The following L3MBTL3 variants were observed in gnomAD, a reference collection of about 807,000 sequenced individuals.
L3MBTL3 encodes the protein lethal(3)malignant brain tumor-like protein 3.
L3MBTL3 carries 27 observed loss-of-function variants against 102.3 expected under a neutral mutation model. The ratio of observed to expected loss-of-function variants is 0.26; its 90% CI spans 0.19 to 0.36. The LOEUF (loss-of-function observed/expected upper bound fraction) is 0.36, where lower values mean the gene tolerates loss of function less well. Ranked by LOEUF, L3MBTL3 falls within the 10% of genes least tolerant of loss-of-function variation. L3MBTL3 has a pLI of 1.00. For missense variants in L3MBTL3, 798 were observed against 955.3 expected, an observed-to-expected ratio of 0.84 and a Z score of 2.17; for synonymous variants, 340 against 320.9, an observed-to-expected ratio of 1.06 and a Z score of -0.64.
chr6:130,128,201 G>T (rs7755103), intron 20 of L3MBTL3, among the ~76,000 whole-genome samples: 16,625 of 151,678 alleles, frequency 0.11, 1,488 homozygotes, highest in African/African-American at 0.24. Flanking sequence ...GGGTTAGGGG[G>T]GTGTGTGTGT....
At chr6:130,128,128 G>A (rs548392233) in intron 20 of L3MBTL3, among the ~76,000 whole-genome samples, 1 of 151,958 alleles carries the variant, frequency 6.6e-6, no homozygotes, top group Non-Finnish European at 1.5e-5. Flanking sequence ...GGGTTATCTA[G>A]GCTAGTTATT....
At chr6:130,101,486 T>C (rs1490716873) in intron 18 of L3MBTL3, among the ~76,000 whole-genome samples, 1 of 152,142 alleles carries the variant, frequency 6.6e-6, no homozygotes, top group Admixed American at 6.5e-5. Flanking sequence ...GCAGTTTCAT[T>C]GTGGGCAGGA....
rs565642106 is a variant in L3MBTL3 at position 130,090,080 on chromosome 6, G to A, written c.1519-2665G>A. ...GATCACATACTTTGCTTTTCTTGGG[G>A]TATTCTCTTATCTTGCTGACACACG... On this transcript the variant is annotated intron_variant, in intron 16 of 22. Coordinates refer to ENST00000361794, the MANE Select transcript of L3MBTL3 (RefSeq NM_032438.4). Among the ~76,000 whole-genome samples, 36 of 152,012 alleles carry A rather than the reference G, an allele frequency of 2.4e-4. No homozygotes were observed. In the South Asian group the frequency reaches 7.5e-3, roughly 32 times the overall value.
intron 20 of L3MBTL3, among the ~76,000 whole-genome samples, chr6:130,128,685 G>A (rs7759637): frequency 0.021 from 3,231 of 152,198 alleles, 111 homozygotes; most frequent in African/African-American, 0.073. Flanking sequence ...GTTAGCGTTC[G>A]TGCTTCATTA....
intron 19 of L3MBTL3, among the ~76,000 whole-genome samples, chr6:130,119,514 T>C (rs1316970630): frequency 6.6e-6 from 1 of 152,176 alleles, no homozygotes; most frequent in East Asian, 1.9e-4. Context: ...ATGTTCTTTC[T>C]CCAGTTATCA....
intron 2 of L3MBTL3, among the ~76,000 whole-genome samples, chr6:130,026,048 G>A (rs1427291024): frequency 2.0e-5 from 3 of 152,142 alleles, no homozygotes. Flanking sequence ...GGCATCTCTG[G>A]ATGTGGTGGT....
At chr6:130,115,271 T>G (rs6937184) in intron 19 of L3MBTL3, among the ~76,000 whole-genome samples, 6,313 of 152,164 alleles carry the variant, frequency 0.041, 424 homozygotes, top group African/African-American at 0.14. Flanking sequence ...CTTTCACACT[T>G]GAGCTGCCGC....
At position 130,105,548 on chromosome 6, in the gene L3MBTL3, G is replaced by A. The variant is rs1489108751; in HGVS notation, c.1886+973G>A. 3.3e-5 allele frequency among the ~76,000 whole-genome samples: 5 copies of A among 150,176 alleles called. No homozygotes were observed. In the East Asian group the frequency reaches 9.8e-4, roughly 30 times the overall value. On this transcript the variant is annotated intron_variant, in intron 19 of 22. Coordinates refer to ENST00000361794, the MANE Select transcript of L3MBTL3 (RefSeq NM_032438.4). ...AATTTACCAGGATCATTTGAGCCTG[G>A]GAGGTCGAGGCTGCAGTGAGCCAGG...
At chr6:130,020,154 CGT>C (rs938639257) in intron 1 of L3MBTL3, among the ~76,000 whole-genome samples, 1 of 150,878 alleles carries the variant, frequency 6.6e-6, no homozygotes, top group East Asian at 2.0e-4. Flanking sequence ...CCTCGCGCCG[CGT>C]GTGTGTGCGG....
intron 2 of L3MBTL3, among the ~76,000 whole-genome samples, chr6:130,041,432 G>A (rs11154519): frequency 0.47 from 72,143 of 152,020 alleles, 19,626 homozygotes; most frequent in East Asian, 0.76. Context: ...TATCTGCCCA[G>A]TGATATGGTT....
intron 22 of L3MBTL3, among the ~76,000 whole-genome samples, chr6:130,135,406 G>C (rs572021475): frequency 1.3e-5 from 2 of 152,172 alleles, no homozygotes; most frequent in African/African-American, 4.8e-5. Flanking sequence ...AGCCACATAG[G>C]GAGCTGTTGG....
intron 2 of L3MBTL3, among the ~76,000 whole-genome samples, chr6:130,027,928 C>G (rs1779456823): frequency 6.6e-6 from 1 of 151,978 alleles, no homozygotes; most frequent in Non-Finnish European, 1.5e-5. Flanking sequence ...TGATGATATG[C>G]TAGCACTTTA....
intron 18 of L3MBTL3, among the ~76,000 whole-genome samples, chr6:130,097,369 A>G (rs566713544): frequency 1.3e-5 from 2 of 152,372 alleles, no homozygotes; most frequent in Non-Finnish European, 2.9e-5. Context: ...CACTCTTTGC[A>G]TAGATAACAA....
At chr6:130,118,329 G>T (rs1217849280) in intron 19 of L3MBTL3, among the ~76,000 whole-genome samples, 2 of 152,306 alleles carry the variant, frequency 1.3e-5, no homozygotes, top group East Asian at 3.9e-4. Flanking sequence ...TATGGGGCAT[G>T]TAAAAAGCTC....
At chr6:130,056,086 C>G (rs953904611) in intron 8 of L3MBTL3, among the ~76,000 whole-genome samples, 79 of 152,164 alleles carry the variant, frequency 5.2e-4, no homozygotes, top group African/African-American at 1.8e-3. Flanking sequence ...CACCACCAAG[C>G]CTGGCTAATT....
At chr6:130,029,658 T>G (rs1477083568) in intron 2 of L3MBTL3, among the ~76,000 whole-genome samples, 1 of 152,206 alleles carries the variant, frequency 6.6e-6, no homozygotes, top group Non-Finnish European at 1.5e-5. Context: ...CCACCTTTCC[T>G]GTCCTCATCT....
chr6:130,101,740 G>A (rs1056034279), intron 18 of L3MBTL3, among the ~76,000 whole-genome samples: 1 of 152,132 alleles, frequency 6.6e-6, no homozygotes, highest in Non-Finnish European at 1.5e-5. Flanking sequence ...TGATTTTTCT[G>A]GCCTTCCTGT....
intron 18 of L3MBTL3, among the ~76,000 whole-genome samples, chr6:130,103,795 C>A (rs1454455983): frequency 1.3e-5 from 2 of 152,152 alleles, no homozygotes; most frequent in African/African-American, 4.8e-5. Flanking sequence ...AACTGGTAGT[C>A]ACAAATGGAA....
At chr6:130,098,801 C>T (rs1438995481) in intron 18 of L3MBTL3, among the ~76,000 whole-genome samples, 1 of 151,124 alleles carries the variant, frequency 6.6e-6, no homozygotes, top group Non-Finnish European at 1.5e-5. Flanking sequence ...AGTCCCTGCT[C>T]TTAACTGCTG....
Sources: allele counts gnomAD v4.1 joint callset (sites outside exome capture counted in the v4.1 genomes callset), GRCh38; gene constraint gnomAD v4.1.1; transcripts MANE v1.5; gene names NCBI Gene and HGNC (gene_info 2026-07-23, HGNC 2026-07-21).